PREP: variants seen among roughly 807,000 people sequenced by gnomAD.
PREP encodes dJ355L5.1 (prolyl endopeptidase).
A neutral mutation model predicts 87.6 loss-of-function variants in PREP; 29 were observed. That is an observed-to-expected ratio of 0.33 (90% confidence interval 0.25 to 0.45). The LOEUF is 0.45. Among genes scored for constraint, PREP ranks in the 20% least tolerant of loss-of-function variants. PREP has a pLI of 1.00. For synonymous variants in PREP, 337 were observed against 328.6 expected (o/e 1.03, Z -0.28); for missense variants, 695 against 886.5 (o/e 0.78, Z 2.74).
chr6:105,392,398 G>A (rs1773176369), intron 2 of PREP, among the ~76,000 whole-genome samples: 6 of 151,970 alleles, frequency 3.9e-5, no homozygotes, highest in Admixed American at 3.9e-4. Flanking sequence ...ACGCTACCAT[G>A]GTTACTCTGA....
At chr6:105,283,515 C>T (rs1240394073) in intron 12 of PREP, among the ~76,000 whole-genome samples, 2 of 152,064 alleles carry the variant, frequency 1.3e-5, no homozygotes, top group East Asian at 3.8e-4. Context: ...TTTTTCATAT[C>T]AAAACAAATG....
intron 10 of PREP, among the ~76,000 whole-genome samples, chr6:105,292,465 G>C (rs1770315645): frequency 6.6e-6 from 1 of 152,154 alleles, no homozygotes. Flanking sequence ...TGAGAAGTAG[G>C]TCTCAACAGT....
chr6:105,350,527 T>C (rs1771919144), intron 7 of PREP, among the ~76,000 whole-genome samples: 1 of 152,224 alleles, frequency 6.6e-6, no homozygotes, highest in Admixed American at 6.5e-5. Flanking sequence ...CTGCTGTGTC[T>C]CCCCTTTTAT....
At chr6:105,357,913 GTTTTTTT>G (rs796340115) in intron 6 of PREP, among the ~76,000 whole-genome samples, 1 of 138,398 alleles carries the variant, frequency 7.2e-6, no homozygotes, top group Admixed American at 7.3e-5. Context: ...CAACAATACT[GTTTTTTT>G]TTTTTTTTCT....
intron 10 of PREP, among the ~76,000 whole-genome samples, chr6:105,300,411 A>G (rs1387294354): frequency 6.6e-6 from 1 of 152,218 alleles, no homozygotes; most frequent in East Asian, 1.9e-4. Flanking sequence ...TACCAAAAAA[A>G]TTCCATTTCA....
intron 6 of PREP, among the ~76,000 whole-genome samples, chr6:105,364,929 C>G (rs1165947923): frequency 1.3e-5 from 2 of 151,964 alleles, no homozygotes; most frequent in Non-Finnish European, 2.9e-5. Context: ...GCAACAATTG[C>G]AGCACATGCC....
intron 2 of PREP, among the ~76,000 whole-genome samples, chr6:105,387,267 T>C (rs1378397521): frequency 6.6e-6 from 1 of 152,092 alleles, no homozygotes; most frequent in Non-Finnish European, 1.5e-5. Flanking sequence ...TTATCGCAGT[T>C]CTTTAGATGT....
chr6:105,287,713 C>CT, intron 11 of PREP, among the ~76,000 whole-genome samples: 2 of 152,130 alleles, frequency 1.3e-5, no homozygotes, highest in African/African-American at 4.8e-5. Context: ...CAGAAAAGAT[C>CT]CTGGATGAAT....
chr6:105,384,764 T>C (rs372304167), intron 2 of PREP, among the ~76,000 whole-genome samples: 45 of 152,196 alleles, frequency 3.0e-4, no homozygotes, highest in African/African-American at 1.0e-3. Flanking sequence ...CTACAAGGAC[T>C]GTGAGAAACC....
intron 10 of PREP, among the ~76,000 whole-genome samples, chr6:105,321,600 GA>G (rs1376181086): frequency 1.3e-5 from 2 of 152,046 alleles, no homozygotes; most frequent in African/African-American, 4.8e-5. Flanking sequence ...CATCTATAAA[GA>G]ATATTACCAT....
chr6:105,295,974 G>A (rs1170336260), intron 10 of PREP, among the ~76,000 whole-genome samples: 3 of 152,132 alleles, frequency 2.0e-5, no homozygotes, highest in African/African-American at 7.2e-5. Flanking sequence ...TGGTATTCTC[G>A]TGGTATGATT....
intron 7 of PREP, among the ~76,000 whole-genome samples, chr6:105,352,256 T>C (rs1583075020): frequency 6.6e-6 from 1 of 152,296 alleles, no homozygotes; most frequent in Non-Finnish European, 1.5e-5. Flanking sequence ...TTCAGCATAG[T>C]AAATTGTGCA....
intron 10 of PREP, among the ~76,000 whole-genome samples, chr6:105,320,977 G>T (rs949985993): frequency 3.9e-5 from 6 of 152,202 alleles, no homozygotes; most frequent in African/African-American, 1.2e-4. Flanking sequence ...CTCATTGCAT[G>T]TCAAAGCTCT....
chr6:105,306,945 T>A (rs1770669443), intron 10 of PREP, among the ~76,000 whole-genome samples: 1 of 152,178 alleles, frequency 6.6e-6, no homozygotes, highest in South Asian at 2.1e-4. Flanking sequence ...TGAGGACACC[T>A]TTGCTTTTGT....
chr6:105,323,830 G>T, intron 9 of PREP, 62 bp from the exon 10 acceptor site: 2 of 1,375,294 alleles, frequency 1.5e-6, no homozygotes, highest in Non-Finnish European at 2.1e-6. Context: ...AGGGGGCAAG[G>T]ATCACAAACC....
At chr6:105,334,921 G>A (rs1401207590) in intron 7 of PREP, among the ~76,000 whole-genome samples, 1 of 152,142 alleles carries the variant, frequency 6.6e-6, no homozygotes, top group Non-Finnish European at 1.5e-5. Context: ...ACAATTATGT[G>A]TTTATTGGCT....
intron 2 of PREP, among the ~76,000 whole-genome samples, chr6:105,388,847 A>T (rs1773068712): frequency 6.6e-6 from 1 of 152,222 alleles, no homozygotes; most frequent in Non-Finnish European, 1.5e-5. Context: ...CTCACAGGCC[A>T]GCTCTGCCAG....
chr6:105,309,504 C>A (rs1377530096), intron 10 of PREP, among the ~76,000 whole-genome samples: 1 of 152,188 alleles, frequency 6.6e-6, no homozygotes, highest in Non-Finnish European at 1.5e-5. Flanking sequence ...TGTGTGCCAC[C>A]ATACCTGGCT....
intron 7 of PREP, among the ~76,000 whole-genome samples, chr6:105,336,565 T>C (rs1375159775): frequency 2.0e-5 from 3 of 152,234 alleles, no homozygotes; most frequent in African/African-American, 7.2e-5. Context: ...TAAAACTGAA[T>C]TGAACCTTTT....
Sources: allele counts gnomAD v4.1 joint callset (sites outside exome capture counted in the v4.1 genomes callset), GRCh38; gene constraint gnomAD v4.1.1; transcripts MANE v1.5; gene names NCBI Gene and HGNC (gene_info 2026-07-23, HGNC 2026-07-21).